The following ITSN2 variants were observed in gnomAD, a reference collection of about 807,000 sequenced individuals.
ITSN2 encodes intersectin-2.
In ITSN2, 156 loss-of-function variants were observed where a neutral mutation model predicts 243.7. That is an observed-to-expected ratio of 0.64 (90% CI 0.56 to 0.73). ITSN2 has a LOEUF of 0.73. Among genes scored for constraint, ITSN2 ranks in the 30% least tolerant of loss-of-function variants. ITSN2 has a pLI of 0.00. For missense variants in ITSN2, 1,801 were observed against 1,996.1 expected (o/e 0.90, Z 1.86); for synonymous variants, 703 against 699.9 (o/e 1.00, Z -0.07).
intron 8 of ITSN2, among the ~76,000 whole-genome samples, chr2:24,307,406 A>C (rs1413058629): frequency 6.6e-6 from 1 of 152,206 alleles, no homozygotes; most frequent in African/African-American, 2.4e-5. Flanking sequence ...ATTTGATAAA[A>C]TTACAGAAAA....
Position 24,203,363 on chromosome 2 carries a change from G to A in ITSN2, c.*263C>T, listed in dbSNP as rs1367887888. The stretch of plus-strand genomic sequence containing the variant: ...TAATACTTTTTATAGCCCTGAAAAT[G>A]GAAACCTTGGCATCTAAACAAACAG... On this transcript the variant is annotated 3_prime_UTR_variant, in exon 40 of 40. Transcript: ENST00000355123. 5.9e-6 allele frequency: 2 copies of A among 339,550 alleles called. No individual in the cohort carries two copies. Among genetic ancestry groups the A allele is most frequent in the East Asian group, 4.6e-5 (1 of 21,554 alleles). 21.0% of individuals were successfully genotyped at this position (339,550 alleles called of 1,614,324 possible). A position where few individuals can be genotyped will look rare whatever the true frequency, so the allele number is the denominator to read the frequency against.
rs1346048891 is a variant in ITSN2 at position 24,295,807 on chromosome 2, A to G, written c.1495-3T>C. The stretch of plus-strand genomic sequence containing the variant: ...GAGATCTGCTGATGTTTGCCATTCT[A>G]TAGGAAGATCATATAAATATATAGT... On this transcript the variant is annotated splice_region_variant and splice_polypyrimidine_tract_variant and intron_variant, in intron 13 of 39. Transcript: ENST00000355123. 5 of 1,520,248 alleles carry G rather than the reference A, an allele frequency of 3.3e-6. No homozygotes were observed. The highest frequency in any genetic ancestry group is 2.5e-5 in the Admixed American group (1 of 40,724). The allele number at this position is 1,520,248 out of a possible 1,614,324, so 94.2% of individuals were successfully genotyped here. A position where few individuals can be genotyped will look rare whatever the true frequency, so the allele number is the denominator to read the frequency against.
rs775224564 is a variant in ITSN2 at position 24,220,907 on chromosome 2, C to A, written c.3699+38G>T. 3.8e-6 allele frequency: 6 copies of A among 1,564,450 alleles called. No individual in the cohort carries two copies. The African/African-American group carries it at 4.2e-5, about 11-fold the overall frequency. On this transcript the variant is annotated intron_variant, in intron 30 of 39. Transcript: ENST00000355123. ...GCCCACCATCTCTCATGAGAGACAG[C>A]AGATACCCCGAGAGCTAGCCAGCAG...
chr2:24,217,870 G>A, intron 31 of ITSN2, 37 bp downstream of exon 31: 1 of 1,440,704 alleles, frequency 6.9e-7, no homozygotes, highest in Non-Finnish European at 9.8e-7. Flanking sequence ...GGGGGCTTTG[G>A]GGTCAGCGGC....
intron 29 of ITSN2, among the ~76,000 whole-genome samples, chr2:24,235,701 G>A (rs535460616): frequency 1.3e-5 from 2 of 152,294 alleles, no homozygotes; most frequent in South Asian, 4.1e-4. Flanking sequence ...AACGGGCAAA[G>A]GATCTGAATA....
intron 15 of ITSN2, among the ~76,000 whole-genome samples, chr2:24,288,290 C>T (rs1022865363): frequency 3.3e-5 from 5 of 151,998 alleles, no homozygotes; most frequent in Non-Finnish European, 5.9e-5. Context: ...CCCATTGTGT[C>T]TTCTTGATAC....
intron 1 of ITSN2, among the ~76,000 whole-genome samples, chr2:24,331,530 C>G (rs1487019156): frequency 2.0e-5 from 3 of 152,184 alleles, no homozygotes; most frequent in Non-Finnish European, 2.9e-5. Flanking sequence ...CCTCTTGGCT[C>G]CCAGGAGGAG....
At chr2:24,232,577 TTCA>T in intron 29 of ITSN2, among the ~76,000 whole-genome samples, 1 of 152,170 alleles carries the variant, frequency 6.6e-6, no homozygotes, top group Middle Eastern at 3.2e-3. Context: ...AAATAGTAGT[TTCA>T]TCATGTTAGA....
At chr2:24,272,663 T>C (rs1318532965) in intron 18 of ITSN2, among the ~76,000 whole-genome samples, 1 of 152,188 alleles carries the variant, frequency 6.6e-6, no homozygotes, top group Non-Finnish European at 1.5e-5. Flanking sequence ...CTGGAACTCC[T>C]GGCCTCAAGT....
chr2:24,220,797 G>A, intron 30 of ITSN2, 148 bp downstream of exon 30: 1 of 1,433,524 alleles, frequency 7.0e-7, no homozygotes, highest in Non-Finnish European at 9.1e-7. Flanking sequence ...TGGAGGATGT[G>A]AGAGCTTCCG....
chr2:24,271,126 A>G (rs565456905), intron 19 of ITSN2, among the ~76,000 whole-genome samples: 1 of 152,150 alleles, frequency 6.6e-6, no homozygotes. Context: ...TCTGAATATA[A>G]CAGGGAAGTA....
chr2:24,279,236 G>A (rs1186850585), intron 17 of ITSN2, among the ~76,000 whole-genome samples: 1 of 152,088 alleles, frequency 6.6e-6, no homozygotes, highest in Non-Finnish European at 1.5e-5. Flanking sequence ...TATTACTAAC[G>A]TAGATTACTC....
At chr2:24,334,692 A>G in intron 1 of ITSN2, 2 of 1,584,254 alleles carry the variant, frequency 1.3e-6, no homozygotes, top group South Asian at 2.2e-5. Flanking sequence ...AAAAAGGCTA[A>G]AACTACAAAG....
At chr2:24,244,245 G>A (rs1262386300) in intron 29 of ITSN2, among the ~76,000 whole-genome samples, 1 of 152,040 alleles carries the variant, frequency 6.6e-6, no homozygotes, top group Non-Finnish European at 1.5e-5. Flanking sequence ...TTAACTCTCT[G>A]GGAAAGTTAC....
At position 24,204,044 on chromosome 2, in the gene ITSN2, G is replaced by T; in HGVS notation, c.4936+201C>A. 1.6e-6 allele frequency: 1 copy of T among 635,722 alleles called. No individual in the cohort carries two copies. 39.4% of individuals were successfully genotyped at this position (635,722 alleles called of 1,614,324 possible). Reference sequence around the variant, plus strand: ...CACGTCGTGTGTGTAGGGAGTGATGGGTCAAAGACCTGAAACACATCTCAG... The same window carrying T: ...CACGTCGTGTGTGTAGGGAGTGATGTGTCAAAGACCTGAAACACATCTCAG... On this transcript the variant is annotated intron_variant, in intron 39 of 39. Coordinates refer to ENST00000355123, the MANE Select transcript of ITSN2 (RefSeq NM_006277.3). This position sits in a 1 kb window ranked among gnomAD's most constrained non-coding sequence, Gnocchi z 5.1.
intron 11 of ITSN2, among the ~76,000 whole-genome samples, chr2:24,300,704 G>GAAA (rs569520202): frequency 7.3e-6 from 1 of 136,678 alleles, no homozygotes. Flanking sequence ...GGGCAACAAG[G>GAAA]AAAAAAAAAA....
rs931961969 is a variant in ITSN2, at chr2:24,307,938, T to C, written c.793+679A>G. 1.1e-4 allele frequency among the ~76,000 whole-genome samples: 16 copies of C among 152,238 alleles called. 1 individual carries two copies. The highest frequency in any genetic ancestry group is 1.5e-5 in the Non-Finnish European group (1 of 68,046). On this transcript the variant is annotated intron_variant, in intron 8 of 39. Coordinates refer to ENST00000355123, the MANE Select transcript of ITSN2 (RefSeq NM_006277.3). ...AACTCTTCAGCTTCAATATATCTCATTCTATGTTCCTTAGCACTTAAAGCT... is the reference window on the plus strand; with the variant it reads ...AACTCTTCAGCTTCAATATATCTCACTCTATGTTCCTTAGCACTTAAAGCT...
Position 24,204,341 on chromosome 2 carries a change from G to C in ITSN2, c.4840C>G (p.Pro1614Ala). The part of the protein sequence containing the change: ...TTRTIQDTLN[P>A]KWNFNCQFFI... ...AACTGGCAGTTAAAATTCCACTTGG[G>C]ATTGAGTGTGTCCTGGATGGTCCTG... The change falls in exon 39 of 40, where the codon CCC becomes GCC. Residue 1614 changes from proline (P) to alanine (A), a missense_variant. Physicochemically the swap from Pro to Ala is conservative, Grantham distance 27. Coordinates refer to ENST00000355123, the MANE Select transcript of ITSN2 (RefSeq NM_006277.3). The surrounding 1 kb of genome is among the most constrained non-coding windows in gnomAD (Gnocchi z 5.1). 6.2e-7 allele frequency: 1 copy of C among 1,614,120 alleles called. No homozygotes were observed. The highest frequency in any genetic ancestry group is 8.5e-7 in the Non-Finnish European group (1 of 1,179,966).
In ITSN2 at chr2:24,234,703, G is replaced by A. The variant is rs574357087; in HGVS notation, c.3577+11426C>T. ...CCAAAGACCTTAACAGATGCCTCAT[G>A]GAAAAAGATATGCAGATGGCAAATA... On this transcript the variant is annotated intron_variant, in intron 29 of 39. Coordinates refer to ENST00000355123, the MANE Select transcript of ITSN2 (RefSeq NM_006277.3). Among the ~76,000 whole-genome samples, 4 of 152,278 alleles carry A rather than the reference G, an allele frequency of 2.6e-5. No homozygotes were observed. In the South Asian group the frequency reaches 8.3e-4, roughly 32 times the overall value.
Sources: allele counts gnomAD v4.1 joint callset (sites outside exome capture counted in the v4.1 genomes callset), GRCh38; gene constraint gnomAD v4.1.1; non-coding constraint Gnocchi (gnomAD v3.1); transcripts MANE v1.5; gene names NCBI Gene and HGNC (gene_info 2026-07-23, HGNC 2026-07-21).